Variants in ELF1 observed in about 807,000 individuals in gnomAD.
The protein encoded by ELF1 is ETS-related transcription factor Elf-1.
A neutral mutation model predicts 59.9 loss-of-function variants in ELF1; 24 were observed. The observed-to-expected ratio is 0.40, with a 90% CI of 0.29 to 0.56. The LOEUF is 0.56. ELF1 is among the 20% of genes least tolerant of loss of function. The pLI, the probability that ELF1 is intolerant of heterozygous loss-of-function variation, is 0.44. For synonymous variants in ELF1, 248 were observed against 266.2 expected, an observed-to-expected ratio of 0.93 and a Z score of 0.67; for missense variants, 627 against 742.2, an observed-to-expected ratio of 0.84 and a Z score of 1.80.
chr13:40,938,405 A>G (rs963935486), intron 8 of ELF1, among the ~76,000 whole-genome samples: 3 of 152,224 alleles, frequency 2.0e-5, no homozygotes, highest in African/African-American at 7.2e-5. Flanking sequence ...GAAATGAGTG[A>G]AGGACAAAAT....
At chr13:41,006,109 A>G (rs894006224) in intron 1 of ELF1, among the ~76,000 whole-genome samples, 2 of 152,198 alleles carry the variant, frequency 1.3e-5, no homozygotes, top group African/African-American at 4.8e-5. Context: ...ATCAGCTGTA[A>G]GCATGGTAGT....
chr13:40,962,394 A>C (rs571541864), intron 2 of ELF1, among the ~76,000 whole-genome samples: 208 of 152,300 alleles, frequency 1.4e-3, no homozygotes, highest in Non-Finnish European at 2.5e-3. Context: ...GATTAAAAAA[A>C]GAGAGTGGCC....
chr13:41,024,056 CT>C (rs1400086931), upstream of ELF1, among the ~76,000 whole-genome samples: 1 of 152,158 alleles, frequency 6.6e-6, no homozygotes, highest in African/African-American at 2.4e-5. Flanking sequence ...TGATTATATT[CT>C]TTATAAAGCT....
intron 8 of ELF1, among the ~76,000 whole-genome samples, chr13:40,939,986 T>A (rs2138121212): frequency 6.6e-6 from 1 of 152,298 alleles, no homozygotes; most frequent in East Asian, 1.9e-4. Flanking sequence ...CATTTTAAAT[T>A]GTCTATACAA....
chr13:41,031,120 T>C (rs1035386450), intron 1 of ELF1, among the ~76,000 whole-genome samples: 17 of 150,006 alleles, frequency 1.1e-4, no homozygotes, highest in African/African-American at 3.0e-4. Context: ...AATGGCATCA[T>C]TGCTCTACAG....
chr13:40,959,837 T>C (rs932673542), intron 2 of ELF1, among the ~76,000 whole-genome samples: 2 of 152,214 alleles, frequency 1.3e-5, no homozygotes, highest in African/African-American at 2.4e-5. Flanking sequence ...GTAAGTCAGC[T>C]ACCTCATTTT....
In ELF1 at chr13:40,998,967, C is replaced by T. The variant is rs138381995; in HGVS notation, c.-228-16685G>A. On this transcript the variant is annotated intron_variant, in intron 1 of 8. Coordinates refer to ENST00000239882, the MANE Select transcript of ELF1 (RefSeq NM_172373.4). ...GAAAGCTGAGGCACTTCAGCCCGGG[C>T]GACTGAGCAAGACTCCGTCTCAAAA... Among the ~76,000 whole-genome samples, 477 of 152,106 alleles carry T rather than the reference C, an allele frequency of 3.1e-3. 3 individuals are homozygous for T. The highest frequency in any genetic ancestry group is 5.8e-3 in the Non-Finnish European group (396 of 67,966).
chr13:41,049,290 C>T (rs1313827803), intron 1 of ELF1, among the ~76,000 whole-genome samples: 3 of 152,302 alleles, frequency 2.0e-5, no homozygotes, highest in South Asian at 2.1e-4. Context: ...TTTAAGTACA[C>T]TTTACCATAT....
Position 41,034,401 on chromosome 13 carries a change from C to A in ELF1, c.-229+26437G>T, listed in dbSNP as rs970088494. ...CATAAGACGTTAACATCAGTGGACA[C>A]TGGATAAAAAATATACACGACTTCT... is the stretch of plus-strand genomic sequence containing the variant. On this transcript the variant is annotated intron_variant, in intron 1 of 1. Coordinates refer to the ELF1 transcript ENST00000405737. 2.6e-5 allele frequency among the ~76,000 whole-genome samples: 4 copies of A among 152,260 alleles called. 1 individual carries two copies. Among genetic ancestry groups the A allele is most frequent in the African/African-American group, 9.6e-5 (4 of 41,560 alleles).
At chr13:41,004,607 T>C (rs1874640600) in intron 1 of ELF1, among the ~76,000 whole-genome samples, 1 of 152,136 alleles carries the variant, frequency 6.6e-6, no homozygotes, top group African/African-American at 2.4e-5. Flanking sequence ...AAGAATTTAC[T>C]TGGTAAACTA....
chr13:40,935,431 T>G (rs987425102), intron 8 of ELF1, among the ~76,000 whole-genome samples: 8 of 152,076 alleles, frequency 5.3e-5, no homozygotes, highest in Non-Finnish European at 1.2e-4. Flanking sequence ...ATATGAGAAA[T>G]AAAATAGTGG....
upstream of ELF1, among the ~76,000 whole-genome samples, chr13:41,021,764 G>A (rs1375183394): frequency 6.6e-6 from 1 of 152,084 alleles, no homozygotes; most frequent in Non-Finnish European, 1.5e-5. Context: ...TTTTTTAAAT[G>A]GTCAAATCTG....
At chr13:40,955,657 C>T (rs1360767780) in intron 3 of ELF1, among the ~76,000 whole-genome samples, 1 of 120,510 alleles carries the variant, frequency 8.3e-6, no homozygotes, top group African/African-American at 3.0e-5. Context: ...GGCCAGCCGC[C>T]CCGTCCGGGA....
At chr13:40,941,682 G>A (rs889121680) in intron 7 of ELF1, among the ~76,000 whole-genome samples, 1 of 152,180 alleles carries the variant, frequency 6.6e-6, no homozygotes, top group African/African-American at 2.4e-5. Context: ...TTTGGAGACA[G>A]AGTCTTGCTC....
chr13:40,955,472 C>T (rs1395605838), intron 3 of ELF1, among the ~76,000 whole-genome samples: 22 of 112,870 alleles, frequency 1.9e-4, no homozygotes, highest in Admixed American at 3.3e-4. Flanking sequence ...AGGTGAGGGG[C>T]GCCTCTGCCC....
chr13:40,941,479 T>C (rs1870168535), intron 7 of ELF1, 109 bp from the exon 8 acceptor site: 1 of 1,016,726 alleles, frequency 9.8e-7, no homozygotes, highest in Non-Finnish European at 1.4e-6. Context: ...ATCAAACTAA[T>C]GAGAAAAGAA....
In ELF1 at chr13:40,937,661, G is replaced by A. The variant is rs187983776; in HGVS notation, c.1256+3260C>T. Among the ~76,000 whole-genome samples, 383 of 152,220 alleles carry A rather than the reference G, an allele frequency of 2.5e-3. 2 individuals are homozygous for A. The highest frequency in any genetic ancestry group is 9.0e-3 in the African/African-American group (374 of 41,528). ...ATTTTTTGTATTTTTAGTAGAGTCG[G>A]GTTTTCACCATGTTGGGAAGGCTGG... On this transcript the variant is annotated intron_variant, in intron 8 of 8. Coordinates refer to ENST00000239882, the MANE Select transcript of ELF1 (RefSeq NM_172373.4).
chr13:41,051,111 A>C (rs1877070486), intron 1 of ELF1, among the ~76,000 whole-genome samples: 1 of 151,374 alleles, frequency 6.6e-6, no homozygotes, highest in South Asian at 2.2e-4. Context: ...TTCATAAACA[A>C]ACAACCTTCT....
chr13:40,942,707 AG>A (rs897413821), intron 7 of ELF1, among the ~76,000 whole-genome samples: 9 of 152,062 alleles, frequency 5.9e-5, no homozygotes, highest in African/African-American at 2.2e-4. Context: ...TTTTTAGTAG[AG>A]ACAGGGTTTT....
Sources: allele counts gnomAD v4.1 joint callset (sites outside exome capture counted in the v4.1 genomes callset), GRCh38; gene constraint gnomAD v4.1.1; transcripts MANE v1.5; gene names NCBI Gene and HGNC (gene_info 2026-07-23, HGNC 2026-07-21).